Variants in TMEM135 observed in about 807,000 individuals in gnomAD.
The protein encoded by TMEM135 is transmembrane protein 135.
A neutral mutation model predicts 60.3 loss-of-function variants in TMEM135; 30 were observed. That is an observed-to-expected ratio of 0.50 (90% confidence interval 0.37 to 0.68). The LOEUF is 0.68. Ranked by LOEUF, TMEM135 falls within the 30% of genes least tolerant of loss-of-function variation. The probability of loss-of-function intolerance (pLI) is 0.00; values close to 1 mark genes in which losing one functional copy is unlikely to be tolerated. For synonymous variants in TMEM135, 190 were observed against 186.7 expected, an observed-to-expected ratio of 1.02 and a Z score of -0.14; for missense variants, 468 against 548.8, an observed-to-expected ratio of 0.85 and a Z score of 1.47.
intron 5 of TMEM135, among the ~76,000 whole-genome samples, chr11:87,169,659 T>C (rs956736747): frequency 1.3e-5 from 2 of 152,124 alleles, no homozygotes; most frequent in Admixed American, 6.6e-5. Flanking sequence ...AGGGTTTCTG[T>C]AGAGATACCT....
intron 5 of TMEM135, among the ~76,000 whole-genome samples, chr11:87,170,387 C>G (rs910652620): frequency 3.3e-5 from 5 of 152,084 alleles, no homozygotes; most frequent in Non-Finnish European, 2.9e-5. Flanking sequence ...GAATTTTCAG[C>G]CTTTTTGCAC....
chr11:87,198,465 T>C (rs1165714836), intron 5 of TMEM135, among the ~76,000 whole-genome samples: 1 of 152,060 alleles, frequency 6.6e-6, no homozygotes, highest in Non-Finnish European at 1.5e-5. Context: ...AAAATGTCTG[T>C]TGTCTGAGGT....
At chr11:87,114,810 A>G (rs1434377099) in intron 4 of TMEM135, among the ~76,000 whole-genome samples, 4 of 152,220 alleles carry the variant, frequency 2.6e-5, no homozygotes, top group African/African-American at 9.6e-5. Flanking sequence ...GCATAGCTGT[A>G]CAGGACTTGG....
chr11:87,147,471 G>T (rs1938446597), intron 4 of TMEM135, among the ~76,000 whole-genome samples: 3 of 152,090 alleles, frequency 2.0e-5, no homozygotes, highest in Admixed American at 2.0e-4. Context: ...GAATAGCTGG[G>T]ACTATAGGCA....
chr11:87,292,766 T>C (rs1004068242), intron 6 of TMEM135, among the ~76,000 whole-genome samples: 4 of 152,234 alleles, frequency 2.6e-5, no homozygotes, highest in South Asian at 2.1e-4. Flanking sequence ...CTCTTTTGAA[T>C]CCATGCTAAG....
chr11:87,176,324 C>G (rs1174097338), intron 5 of TMEM135, among the ~76,000 whole-genome samples: 1 of 152,154 alleles, frequency 6.6e-6, no homozygotes, highest in Non-Finnish European at 1.5e-5. Context: ...CCTTTGCCTT[C>G]TGTCATGAAG....
intron 3 of TMEM135, among the ~76,000 whole-genome samples, chr11:87,075,168 A>AT (rs1343289879): frequency 1.3e-4 from 19 of 151,414 alleles, no homozygotes; most frequent in African/African-American, 4.4e-4. Context: ...TAATTAGTTT[A>AT]TTTTTTTTGA....
intron 9 of TMEM135, among the ~76,000 whole-genome samples, chr11:87,307,541 G>A (rs1003206529): frequency 4.6e-5 from 7 of 152,218 alleles, no homozygotes; most frequent in African/African-American, 9.6e-5. Context: ...GAAATTTGGC[G>A]TGGGGAAGGT....
At chr11:87,061,318 T>C (rs1389849865) in intron 1 of TMEM135, among the ~76,000 whole-genome samples, 1 of 152,198 alleles carries the variant, frequency 6.6e-6, no homozygotes, top group Non-Finnish European at 1.5e-5. Flanking sequence ...GGGGGGATTC[T>C]ATTGCCATTT....
chr11:87,134,880 G>A (rs1030578525), intron 4 of TMEM135, among the ~76,000 whole-genome samples: 1 of 152,098 alleles, frequency 6.6e-6, no homozygotes, highest in East Asian at 1.9e-4. Flanking sequence ...AGTTCTAGTT[G>A]CCCTACATCT....
intron 1 of TMEM135, among the ~76,000 whole-genome samples, chr11:87,043,690 T>G (rs1367147747): frequency 6.6e-6 from 1 of 151,814 alleles, no homozygotes; most frequent in African/African-American, 2.4e-5. Flanking sequence ...GCCACTGCAC[T>G]CCAGCCTGGC....
At chr11:87,250,247 A>G (rs1941384372) in intron 6 of TMEM135, among the ~76,000 whole-genome samples, 1 of 152,074 alleles carries the variant, frequency 6.6e-6, no homozygotes, top group African/African-American at 2.4e-5. Context: ...TCTTTTCAAA[A>G]AACCAACTTT....
chr11:87,184,981 G>A (rs1452907318), intron 5 of TMEM135, among the ~76,000 whole-genome samples: 4 of 152,198 alleles, frequency 2.6e-5, no homozygotes, highest in African/African-American at 9.6e-5. Flanking sequence ...TTATACAAAA[G>A]TAAAGAGGAT....
intron 5 of TMEM135, among the ~76,000 whole-genome samples, chr11:87,225,049 T>C (rs1940736932): frequency 6.6e-6 from 1 of 152,174 alleles, no homozygotes. Context: ...GTTCATTGTA[T>C]AGGTAACGAG....
intron 6 of TMEM135, among the ~76,000 whole-genome samples, chr11:87,289,972 T>G (rs1281322612): frequency 1.3e-5 from 2 of 151,928 alleles, no homozygotes; most frequent in Non-Finnish European, 2.9e-5. Flanking sequence ...TAATCCTTTT[T>G]GTGGCTGTAT....
At chr11:87,255,222 A>C (rs575427755) in intron 6 of TMEM135, among the ~76,000 whole-genome samples, 31 of 152,266 alleles carry the variant, frequency 2.0e-4, no homozygotes, top group African/African-American at 7.5e-4. Flanking sequence ...TAGGGGTCGG[A>C]AGAAGAGGGC....
At chr11:87,286,380 T>C (rs1267449961) in intron 6 of TMEM135, among the ~76,000 whole-genome samples, 1 of 152,180 alleles carries the variant, frequency 6.6e-6, no homozygotes, top group African/African-American at 2.4e-5. Context: ...AGAGTACTGA[T>C]TGGTGCATAT....
At chr11:87,166,757 CT>C (rs60027610) in intron 5 of TMEM135, among the ~76,000 whole-genome samples, 55,953 of 151,116 alleles carry the variant, frequency 0.37, 11,296 homozygotes, top group East Asian at 0.67. Context: ...CAGTTTTGTT[CT>C]TTTTGCTTAG....
intron 5 of TMEM135, among the ~76,000 whole-genome samples, chr11:87,169,731 A>T (rs918792496): frequency 3.9e-5 from 6 of 152,096 alleles, no homozygotes; most frequent in Admixed American, 2.6e-4. Context: ...GCTGCCCTTA[A>T]CATATTTTCC....
Sources: gnomAD v4.1 joint callset for allele counts (sites outside exome capture counted in the v4.1 genomes callset) on GRCh38, gnomAD v4.1.1 for gene constraint, MANE v1.5 for transcripts, NCBI Gene and HGNC (gene_info 2026-07-23, HGNC 2026-07-21) for gene names.